TENM2: variants seen among roughly 807,000 people sequenced by gnomAD.
The protein encoded by TENM2 is teneurin-2.
A neutral mutation model predicts 245.2 loss-of-function variants in TENM2; 52 were observed. The observed-to-expected ratio is 0.21, with a 90% confidence interval of 0.17 to 0.27. TENM2 has a LOEUF of 0.27. TENM2 is among the 10% of genes least tolerant of loss of function. The pLI is 1.00. For synonymous variants in TENM2, 1,363 were observed against 1,438.9 expected (o/e 0.95, Z 1.19); for missense variants, 3,046 against 3,666.8 (o/e 0.83, Z 4.37).
chr5:167,007,481 C>T, the TENM2 span, among the ~76,000 whole-genome samples: 6 of 152,198 alleles, frequency 3.9e-5, no homozygotes, highest in Non-Finnish European at 8.8e-5. This position sits in a 1 kb window ranked among gnomAD's most constrained non-coding sequence, Gnocchi z 4.2. Context: ...GTATCAAAAG[C>T]GAAAAGTTAC....
At chr5:167,023,833 C>T in the TENM2 span, among the ~76,000 whole-genome samples, 1 of 152,058 alleles carries the variant, frequency 6.6e-6, no homozygotes, top group Non-Finnish European at 1.5e-5. Flanking sequence ...CTAGATTCAG[C>T]GGCACTTTTC....
intron 2 of TENM2, among the ~76,000 whole-genome samples, chr5:167,521,393 A>C (rs1218160151): frequency 6.6e-6 from 1 of 152,188 alleles, no homozygotes; most frequent in African/African-American, 2.4e-5. Context: ...ATTTTGAATT[A>C]GGGCATATCC....
chr5:167,791,447 T>C (rs1764957998), intron 2 of TENM2, among the ~76,000 whole-genome samples: 1 of 144,764 alleles, frequency 6.9e-6, no homozygotes, highest in African/African-American at 2.5e-5. Flanking sequence ...TTATATATAA[T>C]ATATTATATA....
At chr5:167,271,666 C>A in the TENM2 span, among the ~76,000 whole-genome samples, 1 of 152,098 alleles carries the variant, frequency 6.6e-6, no homozygotes, top group African/African-American at 2.4e-5. Flanking sequence ...TCATAAAATT[C>A]ATAGACAGCG....
intron 2 of TENM2, among the ~76,000 whole-genome samples, chr5:167,603,737 G>A (rs2127733993): frequency 6.6e-6 from 1 of 152,278 alleles, no homozygotes; most frequent in Non-Finnish European, 1.5e-5. Flanking sequence ...TTGAGGAATA[G>A]CAGTAGAGTT....
intron 2 of TENM2, among the ~76,000 whole-genome samples, chr5:167,789,006 T>A (rs1451011186): frequency 6.6e-6 from 1 of 152,186 alleles, no homozygotes; most frequent in East Asian, 1.9e-4. Flanking sequence ...CCACTAGATC[T>A]ACTACACGTC....
chr5:168,073,496 T>C (rs1791201291), intron 7 of TENM2, among the ~76,000 whole-genome samples: 1 of 152,216 alleles, frequency 6.6e-6, no homozygotes, highest in East Asian at 1.9e-4. Context: ...TAGTCACTCT[T>C]CGCTAATGGG....
rs369222454 is a variant in TENM2, at chr5:167,299,651, G to A, written c.226+14588G>A. ...TAGCCTGCCTTTGCTGGTGTGTGGC[G>A]ATTAGGCCTGGTGGAACTGCCATCA... On this transcript the variant is annotated intron_variant, in intron 1 of 28. Transcript: ENST00000518659. Among the ~76,000 whole-genome samples the A allele has an allele frequency of 3.9e-5, 6 of 152,248 alleles. No individual in the cohort carries two copies. The East Asian group carries it at 9.7e-4, about 25-fold the overall frequency.
intron 2 of TENM2, among the ~76,000 whole-genome samples, chr5:167,572,307 A>G (rs1774321553): frequency 6.6e-6 from 1 of 152,214 alleles, no homozygotes; most frequent in South Asian, 2.1e-4. Flanking sequence ...TGGCTTACAT[A>G]GGAATTCCAA....
chr5:167,212,041 C>T, the TENM2 span, among the ~76,000 whole-genome samples: 5 of 152,294 alleles, frequency 3.3e-5, no homozygotes, highest in South Asian at 8.3e-4. Flanking sequence ...CAGAGCGTTT[C>T]TCATAGTTTC....
chr5:168,123,408 C>T (rs1027868335), intron 10 of TENM2, among the ~76,000 whole-genome samples: 9 of 151,996 alleles, frequency 5.9e-5, no homozygotes, highest in Admixed American at 5.9e-4. Context: ...AAGCTGAGAC[C>T]CTGAGGAATT....
At chr5:168,162,732 T>C (rs758703518) in exon 13 of TENM2, 1 of 1,613,986 alleles carries the variant, frequency 6.2e-7, no homozygotes, top group Non-Finnish European at 8.5e-7. Context: ...AAACTTCCTG[T>C]GCTGATAACA....
At chr5:167,505,059 C>T (rs1158288659) in intron 2 of TENM2, among the ~76,000 whole-genome samples, 1 of 152,122 alleles carries the variant, frequency 6.6e-6, no homozygotes, top group African/African-American at 2.4e-5. Context: ...TAAAGTGAGG[C>T]TTTGCGTTTA....
intron 1 of TENM2, among the ~76,000 whole-genome samples, chr5:167,325,399 T>C (rs1757019792): frequency 2.0e-5 from 3 of 152,188 alleles, no homozygotes; most frequent in African/African-American, 4.8e-5. Context: ...TTTGTTCTAA[T>C]TGAAGATCAA....
chr5:167,266,541 C>T, the TENM2 span, among the ~76,000 whole-genome samples: 1 of 152,062 alleles, frequency 6.6e-6, no homozygotes, highest in Non-Finnish European at 1.5e-5. Flanking sequence ...TAACATGTAT[C>T]GGTGAAATCT....
chr5:167,271,600 G>A, the TENM2 span, among the ~76,000 whole-genome samples: 1 of 152,082 alleles, frequency 6.6e-6, no homozygotes, highest in South Asian at 2.1e-4. Flanking sequence ...TTATCCCTTT[G>A]TGGCTTTTGT....
chr5:167,187,075 G>A, the TENM2 span, among the ~76,000 whole-genome samples: 1 of 152,156 alleles, frequency 6.6e-6, no homozygotes, highest in Non-Finnish European at 1.5e-5. Flanking sequence ...AGAGTCATTC[G>A]CAGGTTAGTA....
intron 1 of TENM2, among the ~76,000 whole-genome samples, chr5:167,301,394 T>A (rs1755319533): frequency 6.6e-6 from 1 of 152,188 alleles, no homozygotes; most frequent in African/African-American, 2.4e-5. Context: ...GCCTGGCCAC[T>A]GTGGTTTAGG....
At chr5:167,548,363 G>T (rs1017533322) in intron 2 of TENM2, among the ~76,000 whole-genome samples, 1 of 152,046 alleles carries the variant, frequency 6.6e-6, no homozygotes, top group Non-Finnish European at 1.5e-5. Flanking sequence ...TACTGCTCTC[G>T]TGAGAAGGAA....
Sources: gnomAD v4.1 joint callset for allele counts (sites outside exome capture counted in the v4.1 genomes callset) on GRCh38, gnomAD v4.1.1 for gene constraint, Gnocchi (gnomAD v3.1) non-coding constraint, MANE v1.5 for transcripts, NCBI Gene and HGNC (gene_info 2026-07-23, HGNC 2026-07-21) for gene names.